RIPOR2: variants seen among roughly 807,000 people sequenced by gnomAD.
RIPOR2 encodes the protein rho family-interacting cell polarization regulator 2.
Under a neutral mutation model 114.5 loss-of-function variants are expected in RIPOR2, and 39 were observed. That is an observed-to-expected ratio of 0.34 (90% CI 0.26 to 0.44). RIPOR2 has a LOEUF of 0.44. RIPOR2 is among the 20% of genes least tolerant of loss of function. RIPOR2 has a pLI of 1.00. For missense variants in RIPOR2, 1,007 were observed against 1,255.1 expected, an observed-to-expected ratio of 0.80 and a Z score of 2.99; for synonymous variants, 445 against 484.4, an observed-to-expected ratio of 0.92 and a Z score of 1.07.
chr6:24,967,799 G>C (rs149070112), intron 1 of RIPOR2, among the ~76,000 whole-genome samples: 170 of 152,006 alleles, frequency 1.1e-3, no homozygotes, highest in African/African-American at 4.1e-3. Flanking sequence ...TGAGGTGTAA[G>C]AAAAGTTATA....
intron 1 of RIPOR2, among the ~76,000 whole-genome samples, chr6:24,952,190 C>T (rs1422264741): frequency 1.3e-5 from 2 of 152,176 alleles, no homozygotes; most frequent in East Asian, 3.8e-4. Flanking sequence ...GCTGGGTAGG[C>T]TGCAAGGTAA....
chr6:25,026,520 T>C (rs1011680769), intron 1 of RIPOR2, among the ~76,000 whole-genome samples: 1 of 152,246 alleles, frequency 6.6e-6, no homozygotes, highest in African/African-American at 2.4e-5. Context: ...GCTTCCTGTT[T>C]ATCCTTAAAG....
chr6:24,926,262 A>G (rs952429563), intron 1 of RIPOR2, among the ~76,000 whole-genome samples: 3 of 152,230 alleles, frequency 2.0e-5, no homozygotes, highest in African/African-American at 7.2e-5. Flanking sequence ...TACCACAAGT[A>G]AATATTTACT....
At chr6:24,877,097 A>T in intron 1 of RIPOR2, 1 of 985,368 alleles carries the variant, frequency 1.0e-6, no homozygotes, top group Non-Finnish European at 1.2e-6. Context: ...CCCTTTAAAG[A>T]CTCAAAGAAA....
At position 24,875,790 on chromosome 6, in the gene RIPOR2, A is replaced by G. The variant is rs757308219; in HGVS notation, c.89T>C (p.Met30Thr). The change falls in exon 2 of 22, where the codon ATG (methionine) becomes ACG (threonine). Residue 30 changes from methionine (M) to threonine (T), a missense_variant. By Grantham distance (81) the Met-to-Thr change is moderately conservative. Coordinates refer to ENST00000643898, the MANE Select transcript of RIPOR2 (RefSeq NM_001286445.3). Reference protein sequence around the residue: ...EGLPTRLPEIMLVGSQSFSPG... With the variant: ...EGLPTRLPEITLVGSQSFSPG... Reference sequence around the variant, plus strand: ...CGAAAAAGACTGGGATCCTACCAACATGATTTCCGGGAGTCTGGTCGGTAG... The same window carrying G: ...CGAAAAAGACTGGGATCCTACCAACGTGATTTCCGGGAGTCTGGTCGGTAG... 4 of 1,612,774 alleles carry G rather than the reference A, an allele frequency of 2.5e-6. No individual in the cohort carries two copies. In the African/African-American group the frequency reaches 4.0e-5, roughly 16 times the overall value.
intron 1 of RIPOR2, among the ~76,000 whole-genome samples, chr6:25,008,023 A>G (rs1775627947): frequency 6.6e-6 from 1 of 151,964 alleles, no homozygotes; most frequent in African/African-American, 2.4e-5. Flanking sequence ...CCTTATTTTT[A>G]TTTTTTAAAA....
intron 1 of RIPOR2, among the ~76,000 whole-genome samples, chr6:24,952,970 T>C (rs1772850103): frequency 6.6e-6 from 1 of 152,218 alleles, no homozygotes; most frequent in Non-Finnish European, 1.5e-5. Context: ...AATGTATGTG[T>C]CTCCCCGAAT....
At chr6:24,851,422 C>A (rs1283375778) in intron 9 of RIPOR2, among the ~76,000 whole-genome samples, 3 of 152,148 alleles carry the variant, frequency 2.0e-5, no homozygotes, top group Admixed American at 6.5e-5. Context: ...ATAAAGACAT[C>A]CTTACTCTGG....
chr6:24,880,011 A>G (rs16889764), intron 1 of RIPOR2, among the ~76,000 whole-genome samples: 1,832 of 152,360 alleles, frequency 0.012, 26 homozygotes, highest in African/African-American at 0.029. Flanking sequence ...AAAGGACTAC[A>G]GTAGAATTGC....
In RIPOR2 at chr6:24,832,283, TG is replaced by T; in HGVS notation, c.2316del (p.Asn772LysfsTer2). The T allele has an allele frequency of 6.4e-7, 1 of 1,551,800 alleles. No homozygotes were observed. Among genetic ancestry groups the T allele is most frequent in the South Asian group, 1.2e-5 (1 of 84,066 alleles). ...MEKLAAVSDE[N>X]IGNISSVVEA... ...TCCACAACAGAACTGATATTTCCTA[TG>T]TTCTCATCACTGACAGCTGCGAGTT... On this transcript the variant is annotated frameshift_variant, in exon 16 of 22. Transcript: ENST00000643898. LOFTEE classifies it high-confidence loss of function.
intron 1 of RIPOR2, among the ~76,000 whole-genome samples, chr6:24,978,331 T>G (rs1192489614): frequency 6.6e-6 from 1 of 152,144 alleles, no homozygotes; most frequent in Admixed American, 6.5e-5. Flanking sequence ...GTTTTAAAAT[T>G]ATAGAATTCA....
chr6:24,936,979 C>T (rs1364119215), upstream of RIPOR2, among the ~76,000 whole-genome samples: 1 of 152,128 alleles, frequency 6.6e-6, no homozygotes, highest in Non-Finnish European at 1.5e-5. Context: ...AGAAACTGTC[C>T]CCTCCTCCTG....
intron 17 of RIPOR2, among the ~76,000 whole-genome samples, chr6:24,829,524 G>A (rs555677147): frequency 4.6e-5 from 7 of 152,180 alleles, no homozygotes; most frequent in South Asian, 2.1e-4. Flanking sequence ...GTACAAAAGG[G>A]GAAGAGGCAG....
chr6:24,936,133 A>C (rs965080801), upstream of RIPOR2: 3 of 484,858 alleles, frequency 6.2e-6, no homozygotes, highest in Non-Finnish European at 7.4e-6. Context: ...TTTTTTGAAG[A>C]GGGCTGCAGA....
intron 16 of RIPOR2, 100 bp downstream of exon 16, chr6:24,832,156 T>C: frequency 8.4e-7 from 1 of 1,191,452 alleles, no homozygotes; most frequent in Non-Finnish European, 1.2e-6. Context: ...TAAGAATGCT[T>C]TTCTGTTTTT....
At chr6:24,819,589 C>CT (rs1203744834) in intron 19 of RIPOR2, among the ~76,000 whole-genome samples, 2 of 150,068 alleles carry the variant, frequency 1.3e-5, no homozygotes, top group African/African-American at 4.9e-5. Flanking sequence ...TCTCGGCTCA[C>CT]TGTAACCTCC....
intron 1 of RIPOR2, chr6:24,876,942 A>C: frequency 7.1e-6 from 7 of 983,466 alleles, no homozygotes; most frequent in Non-Finnish European, 8.5e-6. Context: ...GAGGAGTCAA[A>C]GCACATACCA....
chr6:24,944,389 G>A (rs1772302768), intron 1 of RIPOR2, among the ~76,000 whole-genome samples: 1 of 152,216 alleles, frequency 6.6e-6, no homozygotes, highest in African/African-American at 2.4e-5. Flanking sequence ...ATCAAGCAGA[G>A]ATTTCAGTGG....
chr6:24,906,536 G>C (rs1413098597), intron 1 of RIPOR2, among the ~76,000 whole-genome samples: 1 of 152,142 alleles, frequency 6.6e-6, no homozygotes, highest in African/African-American at 2.4e-5. Flanking sequence ...GCAACAACAG[G>C]TGTCTATGGG....
Sources: allele counts gnomAD v4.1 joint callset (sites outside exome capture counted in the v4.1 genomes callset), GRCh38; gene constraint gnomAD v4.1.1; transcripts MANE v1.5; gene names NCBI Gene and HGNC (gene_info 2026-07-23, HGNC 2026-07-21).